ELFN2: variants seen among roughly 807,000 people sequenced by gnomAD.
The protein encoded by ELFN2 is protein phosphatase 1 regulatory subunit 29.
In ELFN2, 17 loss-of-function variants were observed where a neutral mutation model predicts 45.5. The observed-to-expected ratio is 0.37, with a 90% confidence interval of 0.26 to 0.56. The LOEUF (loss-of-function observed/expected upper bound fraction) is 0.56, where lower values mean the gene tolerates loss of function less well. Ranked by LOEUF, ELFN2 falls within the 20% of genes least tolerant of loss-of-function variation. The pLI is 0.77. For missense variants in ELFN2, 922 were observed against 1,183.2 expected, an observed-to-expected ratio of 0.78 and a Z score of 3.24; for synonymous variants, 550 against 551.5, an observed-to-expected ratio of 1.00 and a Z score of 0.04.
chr22:37,402,019 C>T (rs1932376942), intron 2 of ELFN2, among the ~76,000 whole-genome samples: 1 of 152,172 alleles, frequency 6.6e-6, no homozygotes. Flanking sequence ...GTGAGCCCTG[C>T]TCCCTCCTCC....
chr22:37,422,397 G>T lies in ELFN2; in HGVS notation c.-613-4478C>A, dbSNP rs566646210. Reference sequence around the variant, plus strand: ...AAGAATTCGTTTTTTTTGTTTTTTGGTTGTTTTATTGTTGCTGTTGTTGTT... The same window carrying T: ...AAGAATTCGTTTTTTTTGTTTTTTGTTTGTTTTATTGTTGCTGTTGTTGTT... On this transcript the variant is annotated intron_variant, in intron 1 of 2. Coordinates refer to ENST00000402918, the MANE Select transcript of ELFN2 (RefSeq NM_052906.5). Among the ~76,000 whole-genome samples the T allele has an allele frequency of 5.9e-5, 9 of 152,016 alleles. No homozygotes were observed. In the East Asian group the frequency reaches 1.7e-3, roughly 29 times the overall value.
chr22:37,354,559 A>AC (rs397943566), intron 1 of ELFN2: 1 of 152,080 alleles, frequency 6.6e-6, no homozygotes, highest in Non-Finnish European at 1.5e-5. Context: ...ACACACACAC[A>AC]ACCCCATCCG....
chr22:37,422,953 G>T (rs367638797), intron 1 of ELFN2, among the ~76,000 whole-genome samples: 10 of 149,112 alleles, frequency 6.7e-5, no homozygotes, highest in Non-Finnish European at 1.3e-4. Context: ...CGGGGGGGGG[G>T]GGGGAAGTGA....
intron 1 of ELFN2, among the ~76,000 whole-genome samples, chr22:37,346,697 C>T (rs1278707222): frequency 6.6e-6 from 1 of 152,164 alleles, no homozygotes; most frequent in Non-Finnish European, 1.5e-5. Flanking sequence ...CAGCAGAAAA[C>T]AGGTGCACAC....
At chr22:37,410,310 G>A (rs773707755) in intron 2 of ELFN2, among the ~76,000 whole-genome samples, 70 of 152,170 alleles carry the variant, frequency 4.6e-4, no homozygotes, top group Non-Finnish European at 7.9e-4. Context: ...GGGGCTGCGG[G>A]AAGTGAAAGT....
chr22:37,382,401 C>T (rs549701045), intron 2 of ELFN2, among the ~76,000 whole-genome samples: 4 of 152,260 alleles, frequency 2.6e-5, no homozygotes, highest in Admixed American at 6.5e-5. Context: ...CATGCCGCCA[C>T]GCCCAGCTAA....
intron 2 of ELFN2, among the ~76,000 whole-genome samples, chr22:37,415,877 C>T (rs1932755087): frequency 6.6e-6 from 1 of 152,230 alleles, no homozygotes; most frequent in South Asian, 2.1e-4. Flanking sequence ...GCAGGAGAAT[C>T]GCTTGAACCC....
rs535531191 is a variant in ELFN2, at chr22:37,411,468, C to T, written c.-463+6301G>A. 3.3e-5 allele frequency among the ~76,000 whole-genome samples: 5 copies of T among 152,306 alleles called. No individual in the cohort carries two copies. In the South Asian group the frequency reaches 8.3e-4, roughly 25 times the overall value. The stretch of plus-strand genomic sequence containing the variant: ...CCCAGCCCTGGGTGAGGAGGGGAAG[C>T]GGAGAAGGTCTGTGTGCCCCCACAG... On this transcript the variant is annotated intron_variant, in intron 2 of 2. Coordinates refer to ENST00000402918, the MANE Select transcript of ELFN2 (RefSeq NM_052906.5).
intron 2 of ELFN2, among the ~76,000 whole-genome samples, chr22:37,404,105 T>A (rs763082980): frequency 1.3e-5 from 2 of 152,120 alleles, no homozygotes; most frequent in Non-Finnish European, 2.9e-5. Context: ...GAGATCAAGA[T>A]AAATGGAACA....
chr22:37,361,367 G>C (rs145902020), intron 1 of ELFN2, among the ~76,000 whole-genome samples: 1 of 139,810 alleles, frequency 7.2e-6, no homozygotes, highest in African/African-American at 2.7e-5. Context: ...TCCATGAGTT[G>C]CCAGTTCCAT....
At chr22:37,411,306 C>T (rs909815458) in intron 2 of ELFN2, among the ~76,000 whole-genome samples, 3 of 152,182 alleles carry the variant, frequency 2.0e-5, no homozygotes, top group Non-Finnish European at 4.4e-5. Flanking sequence ...AGGCCTCACC[C>T]CAGAAGCGCT....
chr22:37,349,132 G>T (rs950339860), intron 1 of ELFN2, among the ~76,000 whole-genome samples: 1 of 151,286 alleles, frequency 6.6e-6, no homozygotes, highest in Non-Finnish European at 1.5e-5. Context: ...CGCTCCCCAC[G>T]GCAATGTGAT....
chr22:37,357,733 C>T (rs558156435), intron 1 of ELFN2, among the ~76,000 whole-genome samples: 46 of 152,184 alleles, frequency 3.0e-4, no homozygotes, highest in Non-Finnish European at 5.3e-4. Flanking sequence ...CCCTAGAGTG[C>T]TAACAACTTG....
chr22:37,373,727 G>A lies in ELFN2; in HGVS notation c.1808C>T (p.Ser603Leu), dbSNP rs755348427. ...GTGGGAGCTCTCCTTGTAGGGAGGCGAAAGGAAGCTGGGCCGCTCCAGGGC... is the reference window on the plus strand; with the variant it reads ...GTGGGAGCTCTCCTTGTAGGGAGGCAAAAGGAAGCTGGGCCGCTCCAGGGC... ...PGALERPSFLSPPYKESSHHP... is the reference protein window; with the variant it reads ...PGALERPSFLLPPYKESSHHP... The change falls in exon 3 of 3, where the codon TCG becomes TTG. Residue 603 changes from serine to leucine, a missense_variant. Physicochemically the swap from Ser to Leu is moderately radical, Grantham distance 145 (BLOSUM62 -2). Coordinates refer to ENST00000402918, the MANE Select transcript of ELFN2 (RefSeq NM_052906.5). 4.8e-5 allele frequency: 74 copies of A among 1,556,688 alleles called. No individual in the cohort carries two copies. Among genetic ancestry groups the A allele is most frequent in the Non-Finnish European group, 5.8e-5 (67 of 1,158,886 alleles).
At position 37,374,725 on chromosome 22, in the gene ELFN2, G is replaced by A. The variant is rs202059228; in HGVS notation, c.810C>T (p.Asp270=). The A allele has an allele frequency of 3.4e-5, 54 of 1,611,934 alleles. No individual in the cohort carries two copies. The highest frequency in any genetic ancestry group is 1.6e-4 in the African/African-American group (12 of 75,022). ...PYSTDAQREP[D]ENSGFNPDEI... ...CGTCGGGGTTGAAGCCCGAGTTCTC[G>A]TCTGGCTCCCTCTGGGCGTCGGTGG... is the stretch of plus-strand genomic sequence containing the variant. Residue 270 remains aspartate, a synonymous_variant, in exon 3 of 3, where the codon GAC becomes GAT. Transcript: ENST00000402918.
rs373783147 is a variant in ELFN2, at chr22:37,373,183, C to T, written c.2352G>A (p.Val784=). The change falls in exon 3 of 3, where the codon GTG becomes GTA. Residue 784 remains valine, a synonymous_variant. Transcript: ENST00000402918. ...RPYKKHHREE[V]YMAAGHALRK... is the part of the protein sequence containing the mutation. ...GCAGGGCGTGACCGGCGGCCATGTA[C>T]ACCTCCTCCCGGTGGTGCTTCTTGT... 1.1e-4 allele frequency: 175 copies of T among 1,613,656 alleles called. No individual in the cohort carries two copies. Among genetic ancestry groups the T allele is most frequent in the Non-Finnish European group, 1.5e-4 (172 of 1,180,016 alleles).
intron 1 of ELFN2, among the ~76,000 whole-genome samples, chr22:37,361,805 G>A (rs1931094039): frequency 6.6e-6 from 1 of 152,196 alleles, no homozygotes; most frequent in African/African-American, 2.4e-5. Flanking sequence ...ACCTCTAACA[G>A]GTTTGAATTT....
rs562409516 is a variant in ELFN2 at position 37,399,117 on chromosome 22, GT to G, written c.-463+18651del. 2.2e-3 allele frequency among the ~76,000 whole-genome samples: 339 copies of G among 152,184 alleles called. 2 individuals carry two copies. Among genetic ancestry groups the G allele is most frequent in the African/African-American group, 7.5e-3 (311 of 41,494 alleles). ...CCTCCCCACTCCCAGGGATGGGCAC[GT>G]GAGCTTCTTACCCCTCTCTGAACTC... is the stretch of plus-strand genomic sequence containing the variant. On this transcript the variant is annotated intron_variant, in intron 2 of 2. Transcript: ENST00000402918.
At position 37,375,222 on chromosome 22, in the gene ELFN2, G is replaced by A. The variant is rs778293816; in HGVS notation, c.313C>T (p.Leu105=). 5.6e-6 allele frequency: 9 copies of A among 1,614,172 alleles called. No homozygotes were observed. Among genetic ancestry groups the A allele is most frequent in the Non-Finnish European group, 6.8e-6 (8 of 1,180,034 alleles). The change falls in exon 3 of 3, where the codon CTG becomes TTG. Residue 105 remains leucine (L), a synonymous_variant. Transcript: ENST00000402918. ...EDGAFLGQSS[L]QVLQLGYNKL... Reference sequence around the variant, plus strand: ...TTGTAGCCCAGCTGCAGGACCTGCAGGCTCGACTGGCCCAGGAAGGCACCG... The same window carrying A: ...TTGTAGCCCAGCTGCAGGACCTGCAAGCTCGACTGGCCCAGGAAGGCACCG...
Sources: allele counts gnomAD v4.1 joint callset (sites outside exome capture counted in the v4.1 genomes callset), GRCh38; gene constraint gnomAD v4.1.1; transcripts MANE v1.5; gene names NCBI Gene and HGNC (gene_info 2026-07-23, HGNC 2026-07-21).